Variants in DNAH11 observed in about 807,000 individuals in gnomAD.
DNAH11 encodes dynein axonemal heavy chain 11.
DNAH11 carries 442 observed loss-of-function variants against 526.0 expected under a neutral mutation model. The observed-to-expected ratio is 0.84, with a 90% confidence interval of 0.78 to 0.91. The LOEUF (loss-of-function observed/expected upper bound fraction) is 0.91, where lower values mean the gene tolerates loss of function less well. Among genes scored for constraint, DNAH11 ranks in the 40% least tolerant of loss-of-function variants. DNAH11 has a pLI of 0.00. For synonymous variants in DNAH11, 2,461 were observed against 1,935.9 expected (o/e 1.27, Z -7.12); for missense variants, 6,989 against 5,448.7 (o/e 1.28, Z -8.90).
intron 65 of DNAH11, among the ~76,000 whole-genome samples, chr7:21,834,956 C>G (rs1287958105): frequency 6.6e-6 from 1 of 152,000 alleles, no homozygotes; most frequent in Non-Finnish European, 1.5e-5. Flanking sequence ...ATAACTGATA[C>G]CACAGTAATA....
chr7:21,825,037 A>C (rs1289944605), intron 65 of DNAH11, among the ~76,000 whole-genome samples: 1 of 152,022 alleles, frequency 6.6e-6, no homozygotes, highest in Admixed American at 6.6e-5. Flanking sequence ...AGGCCTGGCT[A>C]ATTTTTTTAT....
chr7:21,726,184 A>G (rs1179053153), intron 45 of DNAH11, among the ~76,000 whole-genome samples, 200 bp downstream of exon 45: 1 of 152,170 alleles, frequency 6.6e-6, no homozygotes, highest in Admixed American at 6.5e-5. Flanking sequence ...CGGACACTTC[A>G]CTTGGCCAAA....
chr7:21,675,683 G>A (rs781159740), intron 30 of DNAH11, among the ~76,000 whole-genome samples: 7 of 152,146 alleles, frequency 4.6e-5, no homozygotes, highest in Non-Finnish European at 2.9e-5. Flanking sequence ...TTCTTCATCA[G>A]TTCCTACAGC....
chr7:21,897,346 T>A (rs1376302742), intron 79 of DNAH11, among the ~76,000 whole-genome samples: 2 of 148,028 alleles, frequency 1.4e-5, no homozygotes, highest in South Asian at 4.3e-4. Flanking sequence ...TTTGGCCAGT[T>A]ATTAAAATAT....
intron 25 of DNAH11, among the ~76,000 whole-genome samples, chr7:21,624,263 G>A (rs1437272437): frequency 6.6e-6 from 1 of 152,046 alleles, no homozygotes; most frequent in East Asian, 1.9e-4. Flanking sequence ...GTGGTTTTTA[G>A]TATACAGATA....
chr7:21,803,911 G>GTC (rs1215466817), intron 62 of DNAH11, among the ~76,000 whole-genome samples: 2 of 152,012 alleles, frequency 1.3e-5, no homozygotes, highest in Non-Finnish European at 2.9e-5. Context: ...CATCATTGAA[G>GTC]TCTGGAAAAG....
chr7:21,644,703 C>T (rs954457336), intron 28 of DNAH11, among the ~76,000 whole-genome samples: 1 of 152,172 alleles, frequency 6.6e-6, no homozygotes, highest in Admixed American at 6.5e-5. Context: ...GGAATAGAAG[C>T]TGCTCATGAA....
intron 41 of DNAH11, among the ~76,000 whole-genome samples, chr7:21,711,032 T>C (rs1784447396): frequency 6.6e-6 from 1 of 152,226 alleles, no homozygotes; most frequent in African/African-American, 2.4e-5. Context: ...GTATAAATAC[T>C]TAGACAATGA....
At chr7:21,873,175 T>C in intron 73 of DNAH11, 99 bp from the exon 74 acceptor site, 3 of 1,087,758 alleles carry the variant, frequency 2.8e-6, no homozygotes, top group Non-Finnish European at 4.0e-6. Flanking sequence ...ATCATGGTTC[T>C]CTGAGTTTTC....
intron 2 of DNAH11, among the ~76,000 whole-genome samples, chr7:21,547,902 T>A (rs1436226366): frequency 6.6e-6 from 1 of 152,216 alleles, no homozygotes; most frequent in African/African-American, 2.4e-5. Flanking sequence ...TTTAATTTGG[T>A]CTCTAATAGT....
At chr7:21,777,323 A>G (rs1179534175) in intron 56 of DNAH11, among the ~76,000 whole-genome samples, 1 of 152,132 alleles carries the variant, frequency 6.6e-6, no homozygotes, top group Non-Finnish European at 1.5e-5. Flanking sequence ...TAACCATTCA[A>G]CCACTGAAGG....
chr7:21,839,906 C>A (rs889092124), intron 65 of DNAH11, among the ~76,000 whole-genome samples: 2 of 152,094 alleles, frequency 1.3e-5, no homozygotes, highest in East Asian at 1.9e-4. Context: ...TCTGATCAGT[C>A]CTTTGGGATT....
intron 54 of DNAH11, among the ~76,000 whole-genome samples, chr7:21,750,670 A>G (rs1211686944): frequency 6.6e-6 from 1 of 152,216 alleles, no homozygotes; most frequent in Non-Finnish European, 1.5e-5. Context: ...CAGTATAAAT[A>G]TAAACAGTGC....
At chr7:21,634,750 C>CAA (rs952310500) in intron 25 of DNAH11, among the ~76,000 whole-genome samples, 23 of 152,070 alleles carry the variant, frequency 1.5e-4, no homozygotes, top group Non-Finnish European at 2.9e-4. Flanking sequence ...ATGTGCACAC[C>CAA]AAACTCCCAT....
intron 2 of DNAH11, among the ~76,000 whole-genome samples, chr7:21,547,164 T>C (rs1782834578): frequency 2.0e-5 from 3 of 152,256 alleles, no homozygotes; most frequent in African/African-American, 4.8e-5. Context: ...ATCCCAGGTC[T>C]ATTTGTTTTA....
chr7:21,759,829 G>A (rs1030549884), intron 54 of DNAH11, among the ~76,000 whole-genome samples: 3 of 152,284 alleles, frequency 2.0e-5, no homozygotes, highest in Non-Finnish European at 4.4e-5. Context: ...AAAGCACAGG[G>A]AAAAGTGGAC....
chr7:21,728,850 A>G (rs761049467), intron 45 of DNAH11, among the ~76,000 whole-genome samples: 1 of 152,242 alleles, frequency 6.6e-6, no homozygotes, highest in Non-Finnish European at 1.5e-5. Flanking sequence ...TAGCAGAGCA[A>G]ATTCCTTTAG....
intron 63 of DNAH11, among the ~76,000 whole-genome samples, chr7:21,811,225 G>T (rs1562560568): frequency 6.6e-6 from 1 of 152,132 alleles, no homozygotes; most frequent in Non-Finnish European, 1.5e-5. Flanking sequence ...CACTTTGGGA[G>T]GCCATGGCGG....
chr7:21,622,659 T>C (rs990790459), intron 25 of DNAH11, among the ~76,000 whole-genome samples: 7 of 151,984 alleles, frequency 4.6e-5, no homozygotes, highest in East Asian at 1.9e-4. Flanking sequence ...TCAGAAATAA[T>C]GCCACATATC....
Sources: gnomAD v4.1 joint callset for allele counts (sites outside exome capture counted in the v4.1 genomes callset) on GRCh38, gnomAD v4.1.1 for gene constraint, MANE v1.5 for transcripts, NCBI Gene and HGNC (gene_info 2026-07-23, HGNC 2026-07-21) for gene names.